Variants in RIMS1 observed in about 807,000 individuals in gnomAD.
RIMS1 encodes regulating synaptic membrane exocytosis protein 1.
In RIMS1, 83 loss-of-function variants were observed where a neutral mutation model predicts 214.1. That is an observed-to-expected ratio of 0.39 (90% CI 0.32 to 0.47). The LOEUF is 0.47. RIMS1 is among the 20% of genes least tolerant of loss of function. The pLI, the probability that RIMS1 is intolerant of heterozygous loss-of-function variation, is 0.99. For missense variants in RIMS1, 2,050 were observed against 2,161.8 expected, an observed-to-expected ratio of 0.95 and a Z score of 1.03; for synonymous variants, 793 against 786.8, an observed-to-expected ratio of 1.01 and a Z score of -0.13.
intron 30 of RIMS1, among the ~76,000 whole-genome samples, chr6:72,391,352 CTT>C (rs1344795955): frequency 2.6e-4 from 35 of 134,370 alleles, no homozygotes; most frequent in Non-Finnish European, 3.7e-4. Context: ...GATTCTTTTT[CTT>C]TTTTTTTTTT....
chr6:72,117,377 T>C (rs959016016), intron 4 of RIMS1, among the ~76,000 whole-genome samples: 2 of 151,976 alleles, frequency 1.3e-5, no homozygotes. Context: ...TAAGTATCTG[T>C]TAAGTCTGTT....
chr6:72,200,857 T>TTGTGTGTG lies in RIMS1; in HGVS notation c.1678+17743_1678+17750dup, dbSNP rs70994114. Among the ~76,000 whole-genome samples the TTGTGTGTG allele has an allele frequency of 4.8e-3, 695 of 146,234 alleles. 9 individuals carry two copies. The highest frequency in any genetic ancestry group is 7.0e-3 in the Middle Eastern group (2 of 284). The stretch of plus-strand genomic sequence containing the variant: ...TTGAGAAGAGATTGAAAGGACACAA[T>TTGTGTGTG]TGTGTGTGTGTGTGTGTGTGTGTGT... On this transcript the variant is annotated intron_variant, in intron 6 of 33. Transcript: ENST00000521978.
intron 29 of RIMS1, among the ~76,000 whole-genome samples, chr6:72,386,890 C>T (rs544666636): frequency 1.7e-4 from 26 of 151,972 alleles, no homozygotes; most frequent in African/African-American, 4.3e-4. Flanking sequence ...CCCGCCACCA[C>T]ACCTGGCTAA....
chr6:72,090,046 G>A (rs1389932625), intron 2 of RIMS1, among the ~76,000 whole-genome samples: 3 of 149,464 alleles, frequency 2.0e-5, no homozygotes, highest in Non-Finnish European at 3.0e-5. Flanking sequence ...GGGAGGGATA[G>A]CATTGGCAGA....
At chr6:72,126,861 A>G (rs2039622074) in intron 4 of RIMS1, among the ~76,000 whole-genome samples, 1 of 152,136 alleles carries the variant, frequency 6.6e-6, no homozygotes, top group Non-Finnish European at 1.5e-5. Context: ...ACTATGGAAA[A>G]CAGTTTGGAG....
chr6:71,889,087 T>C (rs377624248), intron 1 of RIMS1, among the ~76,000 whole-genome samples: 247 of 152,308 alleles, frequency 1.6e-3, no homozygotes, highest in Non-Finnish European at 2.7e-3. Flanking sequence ...CTTTTGCTGT[T>C]TGCTGCAGAC....
At chr6:72,221,375 A>G (rs1281794550) in intron 6 of RIMS1, among the ~76,000 whole-genome samples, 2 of 151,634 alleles carry the variant, frequency 1.3e-5, no homozygotes, top group African/African-American at 4.8e-5. Context: ...AAACAAATAG[A>G]ACCATAGAAC....
chr6:72,221,538 A>T (rs896816567), intron 6 of RIMS1, among the ~76,000 whole-genome samples: 2 of 152,006 alleles, frequency 1.3e-5, no homozygotes, highest in Non-Finnish European at 2.9e-5. Flanking sequence ...TGCAACAATT[A>T]TCACAAATTA....
intron 4 of RIMS1, among the ~76,000 whole-genome samples, chr6:72,125,567 G>C (rs1433774790): frequency 2.0e-5 from 3 of 152,202 alleles, no homozygotes; most frequent in Non-Finnish European, 2.9e-5. Flanking sequence ...ACTACCTTTT[G>C]TTCAGCTATA....
chr6:71,994,376 A>G lies in RIMS1; in HGVS notation c.245+25313A>G, dbSNP rs556543335. Reference sequence around the variant, plus strand: ...TGATAGGCTAGCTGTTGTTCAAATAATGGCATGAAACTACTAGATAATTGT... The same window carrying G: ...TGATAGGCTAGCTGTTGTTCAAATAGTGGCATGAAACTACTAGATAATTGT... On this transcript the variant is annotated intron_variant, in intron 2 of 33. Coordinates refer to ENST00000521978, the MANE Select transcript of RIMS1 (RefSeq NM_014989.7). Among the ~76,000 whole-genome samples the G allele has an allele frequency of 1.4e-4, 21 of 152,316 alleles. No homozygotes were observed. The South Asian group carries it at 4.4e-3, about 32-fold the overall frequency.
At chr6:72,127,432 G>A (rs186356983) in intron 4 of RIMS1, among the ~76,000 whole-genome samples, 50 of 152,092 alleles carry the variant, frequency 3.3e-4, no homozygotes, top group Middle Eastern at 3.4e-3. Context: ...TATCTTAATT[G>A]ATTTTCATTA....
intron 4 of RIMS1, among the ~76,000 whole-genome samples, chr6:72,104,794 T>C (rs890037517): frequency 3.9e-5 from 6 of 152,176 alleles, no homozygotes; most frequent in African/African-American, 1.4e-4. Flanking sequence ...ATGACTGTTT[T>C]TTTTTAAAAA....
At position 72,250,393 on chromosome 6, in the gene RIMS1, C is replaced by G. The variant is rs1034032319; in HGVS notation, c.2305C>G (p.Leu769Val). 2 of 1,608,922 alleles carry G rather than the reference C, an allele frequency of 1.2e-6. No homozygotes were observed. Among genetic ancestry groups the G allele is most frequent in the East Asian group, 2.2e-5 (1 of 44,612 alleles). The stretch of plus-strand genomic sequence containing the variant: ...TGTAAATGTTCTGCAAGCAACAGAT[C>G]TACCTGCTAGAGTAGATGGACGTCC... ...LIVNVLQATD[L>V]PARVDGRPRN... Residue 769 changes from leucine to valine, a missense_variant, in exon 13 of 34, where the codon CTA (leucine) becomes GTA (valine). Leu to Val is a conservative substitution (Grantham distance 32). Coordinates refer to ENST00000521978, the MANE Select transcript of RIMS1 (RefSeq NM_014989.7).
chr6:71,982,374 A>G (rs1182766653), intron 2 of RIMS1, among the ~76,000 whole-genome samples: 1 of 152,136 alleles, frequency 6.6e-6, no homozygotes, highest in Non-Finnish European at 1.5e-5. Flanking sequence ...TATTAACACA[A>G]AATTTAAAGT....
At chr6:72,294,892 A>C (rs1170021237) in intron 26 of RIMS1, among the ~76,000 whole-genome samples, 1 of 151,742 alleles carries the variant, frequency 6.6e-6, no homozygotes, top group Non-Finnish European at 1.5e-5. Flanking sequence ...AGTACTTGAA[A>C]CAGTAGCCTT....
chr6:71,939,442 A>G (rs914850204), intron 1 of RIMS1, among the ~76,000 whole-genome samples: 11 of 152,210 alleles, frequency 7.2e-5, no homozygotes, highest in Admixed American at 4.6e-4. Flanking sequence ...GATATTTGTT[A>G]TAGCAACAAG....
At chr6:72,388,595 G>C (rs1284681569) in intron 29 of RIMS1, among the ~76,000 whole-genome samples, 2 of 152,212 alleles carry the variant, frequency 1.3e-5, no homozygotes, top group African/African-American at 4.8e-5. Flanking sequence ...AGTGACACTA[G>C]CTGTACGGGT....
intron 1 of RIMS1, among the ~76,000 whole-genome samples, chr6:71,942,041 G>A (rs1184951084): frequency 6.6e-6 from 1 of 150,972 alleles, no homozygotes; most frequent in East Asian, 1.9e-4. Context: ...TTCTTTCTGG[G>A]TTTTCTAGTA....
At chr6:72,201,050 G>A (rs1327326372) in intron 6 of RIMS1, among the ~76,000 whole-genome samples, 1 of 152,058 alleles carries the variant, frequency 6.6e-6, no homozygotes, top group Non-Finnish European at 1.5e-5. Context: ...CAGGAGTTAT[G>A]ACGAAACATA....
Sources: allele counts gnomAD v4.1 joint callset (sites outside exome capture counted in the v4.1 genomes callset), GRCh38; gene constraint gnomAD v4.1.1; transcripts MANE v1.5; gene names NCBI Gene and HGNC (gene_info 2026-07-23, HGNC 2026-07-21).